The following TMEM40 variants were observed in gnomAD, a reference collection of about 807,000 sequenced individuals.
TMEM40 encodes transmembrane protein 40.
Under a neutral mutation model 40.8 loss-of-function variants are expected in TMEM40, and 34 were observed. The observed-to-expected ratio is 0.83, with a 90% confidence interval of 0.63 to 1.11. TMEM40 has a LOEUF of 1.11. Among genes scored for constraint, TMEM40 ranks in the 50% least tolerant of loss-of-function variants. TMEM40 has a pLI of 0.00. For synonymous variants in TMEM40, 106 were observed against 107.0 expected (o/e 0.99, Z 0.06); for missense variants, 296 against 280.2 (o/e 1.06, Z -0.40).
intron 6 of TMEM40, 88 bp from the exon 7 acceptor site, chr3:12,738,256 TA>T: frequency 1.0e-5 from 15 of 1,445,452 alleles, no homozygotes; most frequent in Non-Finnish European, 1.3e-5. Flanking sequence ...ATAGGTGACC[TA>T]AAAAAATGTC....
intron 1 of TMEM40, among the ~76,000 whole-genome samples, chr3:12,750,389 G>T (rs1575739767): frequency 6.6e-6 from 1 of 152,096 alleles, no homozygotes; most frequent in Admixed American, 6.6e-5. Flanking sequence ...CCTGGGCCCC[G>T]GCCGGCCTCA....
chr3:12,754,241 G>A (rs1246891381), intron 1 of TMEM40, among the ~76,000 whole-genome samples: 1 of 152,152 alleles, frequency 6.6e-6, no homozygotes, highest in Non-Finnish European at 1.5e-5. Flanking sequence ...GAACCCGGGA[G>A]GTGGAGCTGG....
Position 12,743,898 on chromosome 3 carries a change from A to T in TMEM40, c.301+2T>A. 1 of 1,612,952 alleles carries T rather than the reference A, an allele frequency of 6.2e-7. No individual in the cohort carries two copies. Reference sequence around the variant, plus strand: ...AGAAAAATGGTAAGGCCTATTTCCTACCGGGTGAGCCGTTCCCGTGGGGGT... The same window carrying T: ...AGAAAAATGGTAAGGCCTATTTCCTTCCGGGTGAGCCGTTCCCGTGGGGGT... On this transcript the variant is annotated splice_donor_variant, in intron 4 of 11. Coordinates refer to ENST00000314124, the MANE Select transcript of TMEM40 (RefSeq NM_018306.4). LOFTEE classifies it high-confidence loss of function.
At chr3:12,755,027 C>A (rs2061508467) in intron 1 of TMEM40, among the ~76,000 whole-genome samples, 1 of 140,484 alleles carries the variant, frequency 7.1e-6, no homozygotes, top group African/African-American at 2.7e-5. Flanking sequence ...TCTCCTTCCC[C>A]CTCCCTCCCT....
At chr3:12,737,928 A>G (rs2061349883) in intron 7 of TMEM40, 174 bp from the exon 8 acceptor site, 1 of 913,990 alleles carries the variant, frequency 1.1e-6, no homozygotes, top group African/African-American at 1.7e-5. Flanking sequence ...TGGAACCCCC[A>G]CTGACTTCCT....
intron 1 of TMEM40, among the ~76,000 whole-genome samples, chr3:12,764,359 A>T (rs2061585043): frequency 6.6e-6 from 1 of 152,178 alleles, no homozygotes; most frequent in Admixed American, 6.5e-5. Flanking sequence ...AGGTTAAATG[A>T]TGTGCTCAAG....
chr3:12,748,038 A>G (rs997479253), intron 3 of TMEM40, among the ~76,000 whole-genome samples: 1 of 152,120 alleles, frequency 6.6e-6, no homozygotes, highest in Non-Finnish European at 1.5e-5. Flanking sequence ...AAGCTTTCGC[A>G]CAAGGATGCT....
intron 1 of TMEM40, among the ~76,000 whole-genome samples, chr3:12,757,589 TA>T (rs1238901224): frequency 6.6e-6 from 1 of 151,860 alleles, no homozygotes; most frequent in Non-Finnish European, 1.5e-5. Context: ...ATACAGACAC[TA>T]ACAAGTATTG....
intron 1 of TMEM40, among the ~76,000 whole-genome samples, chr3:12,768,137 C>A (rs2061602903): frequency 6.6e-6 from 1 of 152,144 alleles, no homozygotes; most frequent in Non-Finnish European, 1.5e-5. Context: ...AATGAAGCTG[C>A]AGACCTTCGC....
intron 2 of TMEM40, 134 bp downstream of exon 2, chr3:12,749,626 A>T: frequency 1.4e-6 from 1 of 731,628 alleles, no homozygotes; most frequent in Non-Finnish European, 2.3e-6. Context: ...GTGTAAAACC[A>T]CTACTTCCCC....
rs56223138 is a variant in TMEM40 at position 12,755,283 on chromosome 3, C to CTTTCTTTCTTTCT, written c.-9+3907_-9+3908insAGAAAGAAAGAAA. 9.9e-3 allele frequency among the ~76,000 whole-genome samples: 967 copies of CTTTCTTTCTTTCT among 97,364 alleles called. 34 individuals are homozygous for CTTTCTTTCTTTCT. Among genetic ancestry groups the CTTTCTTTCTTTCT allele is most frequent in the East Asian group, 0.027 (83 of 3,080 alleles). 63.9% of individuals were successfully genotyped at this position (97,364 alleles called of 152,430 possible). ...TCTTTCTTTCTTTCTTTCTTTCTTT[C>CTTTCTTTCTTTCT]TTCTTTTCTAGAGACAGGGTCTCAC... On this transcript the variant is annotated intron_variant, in intron 1 of 11. Transcript: ENST00000314124.
chr3:12,759,580 C>G (rs1040855332), upstream of TMEM40: 7 of 152,452 alleles, frequency 4.6e-5, no homozygotes, highest in Admixed American at 4.6e-4. Context: ...CCCCCTCCAC[C>G]CACATTGGTG....
At position 12,738,867 on chromosome 3, in the gene TMEM40, A is replaced by G. The variant is rs1399764615; in HGVS notation, c.356-279T>C. The G allele has an allele frequency of 7.1e-6, 3 of 424,004 alleles. No homozygotes were observed. The Admixed American group carries it at 1.0e-4, about 15-fold the overall frequency. 26.3% of individuals were successfully genotyped at this position (424,004 alleles called of 1,614,324 possible). On this transcript the variant is annotated intron_variant, in intron 5 of 11. Transcript: ENST00000314124. ...CAGGTAAACTTCCCAATTATGAAAA[A>G]GTTTGGGCCGCACGCGGTGGCTCAT...
In TMEM40 at chr3:12,736,661, G is replaced by A. The variant is rs2061340077; in HGVS notation, c.545-9C>T. ...AAGAGACATGAACCAGTCTGGAAGGGCAGTGAGGGAGGGAATGGTCAGCCT... is the reference window on the plus strand; with the variant it reads ...AAGAGACATGAACCAGTCTGGAAGGACAGTGAGGGAGGGAATGGTCAGCCT... On this transcript the variant is annotated splice_polypyrimidine_tract_variant and intron_variant, in intron 9 of 11. Transcript: ENST00000314124. 6.2e-7 allele frequency: 1 copy of A among 1,609,460 alleles called. No homozygotes were observed. Among genetic ancestry groups the A allele is most frequent in the Non-Finnish European group, 8.5e-7 (1 of 1,177,712 alleles).
chr3:12,749,829 C>T lies in TMEM40; in HGVS notation c.4G>A (p.Glu2Lys). Residue 2 changes from glutamate to lysine, a missense_variant, in exon 2 of 12, where the codon GAG (glutamate) becomes AAG (lysine). Physicochemically the swap from Glu to Lys is moderately conservative, Grantham distance 56 (BLOSUM62 1). Transcript: ENST00000314124. METSASSSQPQD... is the reference protein window; with the variant it reads MKTSASSSQPQD... Reference sequence around the variant, plus strand: ...GGCTGGGAGGAGGATGCTGAAGTCTCCATGGCTTTTCCTGGAGGAATAACA... The same window carrying T: ...GGCTGGGAGGAGGATGCTGAAGTCTTCATGGCTTTTCCTGGAGGAATAACA... 1 of 1,613,848 alleles carries T rather than the reference C, an allele frequency of 6.2e-7. No homozygotes were observed. Among genetic ancestry groups the T allele is most frequent in the Non-Finnish European group, 8.5e-7 (1 of 1,179,972 alleles).
chr3:12,755,109 CTT>C, intron 1 of TMEM40, among the ~76,000 whole-genome samples: 1 of 127,932 alleles, frequency 7.8e-6, no homozygotes, highest in Non-Finnish European at 1.7e-5. Flanking sequence ...CTCCTTTTTT[CTT>C]TTTTCTTTTC....
chr3:12,749,014 C>T (rs1212253929), intron 2 of TMEM40, among the ~76,000 whole-genome samples: 1 of 151,888 alleles, frequency 6.6e-6, no homozygotes, highest in African/African-American at 2.4e-5. Flanking sequence ...AATATGGACT[C>T]AGAAAAGGGG....
intron 10 of TMEM40, among the ~76,000 whole-genome samples, chr3:12,736,008 T>C (rs2061334903): frequency 6.6e-6 from 1 of 152,222 alleles, no homozygotes; most frequent in South Asian, 2.1e-4. Flanking sequence ...ATTACAGGCG[T>C]GTGCCCTGGG....
At chr3:12,751,228 A>C (rs942037399) in intron 1 of TMEM40, among the ~76,000 whole-genome samples, 1 of 148,416 alleles carries the variant, frequency 6.7e-6, no homozygotes, top group Non-Finnish European at 1.5e-5. Context: ...TTCAGTGTCC[A>C]GTCCCATCCC....
Sources: allele counts gnomAD v4.1 joint callset (sites outside exome capture counted in the v4.1 genomes callset), GRCh38; gene constraint gnomAD v4.1.1; transcripts MANE v1.5; gene names NCBI Gene and HGNC (gene_info 2026-07-23, HGNC 2026-07-21).